Variants in MGAT5 observed in about 807,000 individuals in gnomAD.
MGAT5 encodes alpha-1,6-mannosylglycoprotein 6-beta-N-acetylglucosaminyltransferase, also known as alpha-1,6-mannosylglycoprotein 6-beta-N-acetylglucosaminyltransferase A.
MGAT5 carries 30 observed loss-of-function variants against 94.3 expected under a neutral mutation model. The ratio of observed to expected loss-of-function variants is 0.32; its 90% CI spans 0.24 to 0.43. The LOEUF (loss-of-function observed/expected upper bound fraction) is 0.43, where lower values mean the gene tolerates loss of function less well. Ranked by LOEUF, MGAT5 falls within the 20% of genes least tolerant of loss-of-function variation. The pLI, the probability that MGAT5 is intolerant of heterozygous loss-of-function variation, is 1.00. For missense variants in MGAT5, 691 were observed against 905.5 expected, an observed-to-expected ratio of 0.76 and a Z score of 3.04; for synonymous variants, 310 against 322.9, an observed-to-expected ratio of 0.96 and a Z score of 0.43.
chr2:134,140,522 C>T (rs1207072175), intron 1 of MGAT5, among the ~76,000 whole-genome samples: 1 of 152,136 alleles, frequency 6.6e-6, no homozygotes, highest in East Asian at 1.9e-4. Context: ...TCTTTAATGC[C>T]GAGCCAATGA....
intron 1 of MGAT5, among the ~76,000 whole-genome samples, chr2:134,160,740 G>C (rs1461501068): frequency 6.6e-6 from 1 of 152,244 alleles, no homozygotes; most frequent in Non-Finnish European, 1.5e-5. Context: ...CTTGTCAGCT[G>C]TGACTTTATG....
chr2:134,161,335 C>T (rs1311095816), intron 1 of MGAT5, among the ~76,000 whole-genome samples: 1 of 152,128 alleles, frequency 6.6e-6, no homozygotes, highest in Non-Finnish European at 1.5e-5. Context: ...CTGGGAGCAA[C>T]GGGAAGGAAG....
In MGAT5 at chr2:134,366,560, G is replaced by A. The variant is rs149083656; in HGVS notation, c.1380+4152G>A. On this transcript the variant is annotated intron_variant, in intron 10 of 15. Transcript: ENST00000281923. ...GTTCAGACTTGCAACTTAACCACAT[G>A]TAAGGTGGTTGACTGTCCTGAGCCT... Among the ~76,000 whole-genome samples, 40 of 152,318 alleles carry A rather than the reference G, an allele frequency of 2.6e-4. No individual in the cohort carries two copies. The East Asian group carries it at 4.6e-3, about 18-fold the overall frequency.
chr2:134,239,729 G>A (rs1681868584), intron 1 of MGAT5, among the ~76,000 whole-genome samples: 1 of 151,702 alleles, frequency 6.6e-6, no homozygotes, highest in African/African-American at 2.4e-5. Context: ...AGGGGGGCCG[G>A]TATTCTGCCT....
chr2:134,166,452 C>G lies in MGAT5; in HGVS notation c.-143+46161C>G, dbSNP rs115513051. ...ATTTACATCACACCTTGGACACTTT[C>G]TGGAGCCAATTCCATTGTTTCCTTA... On this transcript the variant is annotated intron_variant, in intron 1 of 16. Transcript: ENST00000409645. Among the ~76,000 whole-genome samples the G allele has an allele frequency of 5.3e-3, 807 of 152,346 alleles. 2 individuals are homozygous for G. The highest frequency in any genetic ancestry group is 0.018 in the African/African-American group (728 of 41,568).
intron 1 of MGAT5, among the ~76,000 whole-genome samples, chr2:134,189,008 G>A (rs1468736997): frequency 2.0e-5 from 3 of 152,212 alleles, no homozygotes; most frequent in African/African-American, 7.2e-5. Context: ...TGGGAGGGTC[G>A]CGAATGCAGA....
At chr2:134,175,549 T>C (rs1234667831) in intron 1 of MGAT5, among the ~76,000 whole-genome samples, 1 of 152,142 alleles carries the variant, frequency 6.6e-6, no homozygotes, top group African/African-American at 2.4e-5. Context: ...CTTAATTCAG[T>C]TTCAAGGAGC....
intron 1 of MGAT5, among the ~76,000 whole-genome samples, chr2:134,167,824 A>G (rs927974177): frequency 1.3e-5 from 2 of 152,254 alleles, no homozygotes; most frequent in Non-Finnish European, 2.9e-5. Flanking sequence ...AGCTTTGGCT[A>G]CAACTATTAT....
At chr2:134,294,247 G>A (rs1223173322) in intron 2 of MGAT5, among the ~76,000 whole-genome samples, 1 of 152,104 alleles carries the variant, frequency 6.6e-6, no homozygotes, top group African/African-American at 2.4e-5. Context: ...TTAAGTCATG[G>A]GAAGATCTCT....
At chr2:134,193,679 GT>G (rs1368137213) in intron 1 of MGAT5, among the ~76,000 whole-genome samples, 1 of 57,636 alleles carries the variant, frequency 1.7e-5, no homozygotes. Flanking sequence ...AAATCTTTGT[GT>G]GTGTGTGTGT....
intron 1 of MGAT5, among the ~76,000 whole-genome samples, chr2:134,266,433 C>A (rs1683721153): frequency 6.6e-6 from 1 of 152,116 alleles, no homozygotes; most frequent in Admixed American, 6.5e-5. Flanking sequence ...GTTGGTCAGG[C>A]CGGTCTCTAA....
At chr2:134,340,985 G>A (rs1688592391) in intron 6 of MGAT5, among the ~76,000 whole-genome samples, 1 of 152,140 alleles carries the variant, frequency 6.6e-6, no homozygotes, top group Admixed American at 6.6e-5. Flanking sequence ...AGGTTTTTTA[G>A]GGATAATAGT....
Position 134,349,789 on chromosome 2 carries a change from T to C in MGAT5, c.1113-16T>C. ...GGCAAGTATGTAGTGTTCAACACATTGCTTTTTTCTTTCAGGTGCATGCTC... is the reference window on the plus strand; with the variant it reads ...GGCAAGTATGTAGTGTTCAACACATCGCTTTTTTCTTTCAGGTGCATGCTC... On this transcript the variant is annotated splice_polypyrimidine_tract_variant and intron_variant, in intron 8 of 15. Transcript: ENST00000281923. 1 of 1,612,798 alleles carries C rather than the reference T, an allele frequency of 6.2e-7. No individual in the cohort carries two copies. Among genetic ancestry groups the C allele is most frequent in the Non-Finnish European group, 8.5e-7 (1 of 1,179,520 alleles).
intron 1 of MGAT5, among the ~76,000 whole-genome samples, chr2:134,178,427 A>G (rs1688581717): frequency 6.6e-6 from 1 of 152,108 alleles, no homozygotes; most frequent in South Asian, 2.1e-4. Context: ...GGTCCTTTGG[A>G]GAGAGCTGTC....
intron 2 of MGAT5, among the ~76,000 whole-genome samples, chr2:134,298,585 C>G (rs1685832555): frequency 6.6e-6 from 1 of 152,132 alleles, no homozygotes; most frequent in South Asian, 2.1e-4. Flanking sequence ...TGTAACAAAT[C>G]CTTGTTTATC....
chr2:134,338,224 A>C, intron 5 of MGAT5, 35 bp from the exon 6 acceptor site: 1 of 1,526,574 alleles, frequency 6.6e-7, no homozygotes, highest in Non-Finnish European at 8.9e-7. Context: ...CTGACTTTTT[A>C]TCTTCTATTC....
chr2:134,138,347 T>G (rs1053890031), intron 1 of MGAT5, among the ~76,000 whole-genome samples: 3 of 152,188 alleles, frequency 2.0e-5, no homozygotes, highest in Non-Finnish European at 4.4e-5. Flanking sequence ...GTTTCATATT[T>G]TAATCCTACT....
intron 2 of MGAT5, among the ~76,000 whole-genome samples, chr2:134,290,420 G>T (rs183768959): frequency 6.6e-6 from 1 of 150,980 alleles, no homozygotes; most frequent in African/African-American, 2.4e-5. Flanking sequence ...GGGGACTGAT[G>T]ATCTAGTCAT....
intron 2 of MGAT5, among the ~76,000 whole-genome samples, chr2:134,290,256 G>A (rs746398459): frequency 6.6e-6 from 1 of 152,186 alleles, no homozygotes; most frequent in South Asian, 2.1e-4. Context: ...ATTGTTGTGC[G>A]TTCTTAGTTT....
Sources: gnomAD v4.1 joint callset for allele counts (sites outside exome capture counted in the v4.1 genomes callset) on GRCh38, gnomAD v4.1.1 for gene constraint, MANE v1.5 for transcripts, NCBI Gene and HGNC (gene_info 2026-07-23, HGNC 2026-07-21) for gene names.